The following EYS variants were observed in gnomAD, a reference collection of about 807,000 sequenced individuals.
EYS encodes EGF-like photoreceptor maintenance factor.
Under a neutral mutation model 282.1 loss-of-function variants are expected in EYS, and 250 were observed. That is an observed-to-expected ratio of 0.89 (90% confidence interval 0.80 to 0.98). The LOEUF (loss-of-function observed/expected upper bound fraction) is 0.98, where lower values mean the gene tolerates loss of function less well. Ranked by LOEUF, EYS falls within the 50% of genes least tolerant of loss-of-function variation. The pLI is 0.00. For missense variants in EYS, 4,016 were observed against 3,709.0 expected, an observed-to-expected ratio of 1.08 and a Z score of -2.15; for synonymous variants, 1,355 against 1,282.9, an observed-to-expected ratio of 1.06 and a Z score of -1.20.
At chr6:65,377,562 T>A (rs1445673246) in intron 8 of EYS, among the ~76,000 whole-genome samples, 1 of 151,996 alleles carries the variant, frequency 6.6e-6, no homozygotes, top group Non-Finnish European at 1.5e-5. Context: ...TGAAAAACCC[T>A]TCAAAAAATC....
At chr6:65,692,786 A>T (rs1391928716) in intron 1 of EYS, among the ~76,000 whole-genome samples, 1 of 150,074 alleles carries the variant, frequency 6.7e-6, no homozygotes, top group Non-Finnish European at 1.5e-5. Flanking sequence ...CTACAATTTT[A>T]AAAAAAGGTG....
chr6:65,390,903 G>GA (rs35845690), intron 7 of EYS, among the ~76,000 whole-genome samples: 210 of 150,716 alleles, frequency 1.4e-3, no homozygotes, highest in Non-Finnish European at 2.4e-3. Context: ...AAAAAATAAA[G>GA]AAAAAAAAAT....
chr6:64,050,374 G>A lies in EYS; in HGVS notation c.6725+15964C>T, dbSNP rs186880165. On this transcript the variant is annotated intron_variant, in intron 33 of 42. Coordinates refer to ENST00000503581, the MANE Select transcript of EYS (RefSeq NM_001142800.2). ...TTACTTGTTTCTTACATTTGTCTTA[G>A]TAGGCTAAAATTTCATAATGTCAGA... 1.9e-3 allele frequency among the ~76,000 whole-genome samples: 287 copies of A among 152,160 alleles called. 1 individual carries two copies. Among genetic ancestry groups the A allele is most frequent in the South Asian group, 1.9e-3 (9 of 4,824 alleles).
intron 19 of EYS, among the ~76,000 whole-genome samples, chr6:64,879,657 G>A (rs1766854954): frequency 6.6e-6 from 1 of 151,998 alleles, no homozygotes; most frequent in Non-Finnish European, 1.5e-5. Flanking sequence ...GAAGATGTAA[G>A]TAAATCCTCA....
intron 12 of EYS, among the ~76,000 whole-genome samples, chr6:65,253,823 T>C (rs1582067115): frequency 6.6e-6 from 1 of 151,818 alleles, no homozygotes. Flanking sequence ...GAAACTTTTT[T>C]CTTTTTATTA....
At chr6:65,224,216 T>C (rs1191516932) in intron 12 of EYS, among the ~76,000 whole-genome samples, 1 of 152,110 alleles carries the variant, frequency 6.6e-6, no homozygotes, top group African/African-American at 2.4e-5. Context: ...ATACAAACTA[T>C]CTTTAGGGAT....
chr6:64,375,267 G>A (rs774841349), intron 29 of EYS, among the ~76,000 whole-genome samples: 7 of 152,176 alleles, frequency 4.6e-5, no homozygotes, highest in Non-Finnish European at 8.8e-5. Context: ...CTTTTGGTAT[G>A]CAGCCTCATT....
intron 28 of EYS, among the ~76,000 whole-genome samples, chr6:64,409,184 T>C (rs1411160157): frequency 6.6e-6 from 1 of 152,222 alleles, no homozygotes; most frequent in Non-Finnish European, 1.5e-5. Context: ...ACTTTCTTTA[T>C]CCAGTCCACT....
rs553600976 is a variant in EYS, at chr6:63,720,310, A to T, written c.*286T>A. ...TGATTTTAAAATGTAAGCATTAGGG[A>T]TAGGTAAAAAGTGAATAAGCAAAGT... On this transcript the variant is annotated 3_prime_UTR_variant, in exon 43 of 43. Transcript: ENST00000503581. 1.6e-4 allele frequency: 62 copies of T among 391,064 alleles called. 3 individuals carry two copies. The South Asian group carries it at 6.7e-3, about 42-fold the overall frequency. 24.2% of individuals were successfully genotyped at this position (391,064 alleles called of 1,614,324 possible).
At chr6:63,791,085 A>G (rs941398957) in intron 37 of EYS, among the ~76,000 whole-genome samples, 49 of 152,306 alleles carry the variant, frequency 3.2e-4, no homozygotes, top group African/African-American at 1.2e-3. Flanking sequence ...GGGGGCAGCC[A>G]TTAAGACATG....
At chr6:65,391,680 C>G (rs1766039369) in intron 7 of EYS, among the ~76,000 whole-genome samples, 1 of 152,030 alleles carries the variant, frequency 6.6e-6, no homozygotes, top group Non-Finnish European at 1.5e-5. Context: ...AGGATACAAA[C>G]AAATGGAAGA....
intron 26 of EYS, among the ~76,000 whole-genome samples, chr6:64,545,633 G>A (rs1265644138): frequency 6.6e-6 from 1 of 152,144 alleles, no homozygotes; most frequent in Non-Finnish European, 1.5e-5. Flanking sequence ...CATCGTCTCA[G>A]CCCAAAATCT....
intron 22 of EYS, among the ~76,000 whole-genome samples, chr6:64,796,497 A>C (rs1209973684): frequency 4.6e-5 from 7 of 152,166 alleles, no homozygotes; most frequent in Non-Finnish European, 8.8e-5. Context: ...ACCACTTAAA[A>C]ATTTTTAGCG....
At chr6:65,013,074 T>G (rs1246405228) in intron 13 of EYS, among the ~76,000 whole-genome samples, 1 of 152,120 alleles carries the variant, frequency 6.6e-6, no homozygotes, top group Non-Finnish European at 1.5e-5. Context: ...CATCTACTCA[T>G]GCAGAAAAAA....
intron 28 of EYS, among the ~76,000 whole-genome samples, chr6:64,406,188 C>G (rs181578813): frequency 2.0e-5 from 3 of 152,148 alleles, no homozygotes; most frequent in African/African-American, 7.2e-5. Context: ...CTTTGACAAA[C>G]CTGACAAAAA....
intron 12 of EYS, among the ~76,000 whole-genome samples, chr6:65,136,273 T>C (rs1043433357): frequency 6.6e-6 from 1 of 152,042 alleles, no homozygotes; most frequent in African/African-American, 2.4e-5. Flanking sequence ...TTAGGCAATA[T>C]AAATTAATAG....
Position 64,902,159 on chromosome 6 carries a change from AG to A in EYS, c.2799del (p.Ser934LeufsTer13). On this transcript the variant is annotated frameshift_variant, in exon 18 of 43. Transcript: ENST00000503581. LOFTEE classifies it high-confidence loss of function. Reference protein sequence around the residue: ...SLCEIEINECSSEPCKNNGTC... With the variant: ...SLCEIEINECXSEPCKNNGTC... Reference sequence around the variant, plus strand: ...GTTCCATTATTTTTGCAAGGTTCAGAGGAACATTCATTAATTTCAATTTCAC... The same window carrying A: ...GTTCCATTATTTTTGCAAGGTTCAGAGAACATTCATTAATTTCAATTTCAC... The A allele has an allele frequency of 6.4e-7, 1 of 1,550,744 alleles. No homozygotes were observed. Among genetic ancestry groups the A allele is most frequent in the Non-Finnish European group, 8.7e-7 (1 of 1,146,452 alleles).
chr6:64,264,206 TAGTTAGCTA>T (rs1209096614), intron 30 of EYS, among the ~76,000 whole-genome samples: 3 of 152,116 alleles, frequency 2.0e-5, no homozygotes, highest in Admixed American at 2.0e-4. Flanking sequence ...AGTGATTTAT[TAGTTAGCTA>T]ATGCCATGTC....
chr6:64,647,077 G>A (rs771898769), intron 22 of EYS, among the ~76,000 whole-genome samples: 7 of 152,096 alleles, frequency 4.6e-5, no homozygotes, highest in South Asian at 2.1e-4. Context: ...GTGTAACTGT[G>A]AGACATATTC....
Sources: gnomAD v4.1 joint callset for allele counts (sites outside exome capture counted in the v4.1 genomes callset) on GRCh38, gnomAD v4.1.1 for gene constraint, MANE v1.5 for transcripts, NCBI Gene and HGNC (gene_info 2026-07-23, HGNC 2026-07-21) for gene names.